Variants in MROH2A observed in about 807,000 individuals in gnomAD.
MROH2A encodes maestro heat like repeat family member 2A.
In MROH2A, 174 loss-of-function variants were observed where a neutral mutation model predicts 200.4. The ratio of observed to expected loss-of-function variants is 0.87; its 90% CI spans 0.77 to 0.98. The LOEUF is 0.98. MROH2A is among the 50% of genes least tolerant of loss of function. MROH2A has a pLI of 0.00. For synonymous variants in MROH2A, 829 were observed against 840.4 expected, an observed-to-expected ratio of 0.99 and a Z score of 0.23; for missense variants, 2,045 against 2,139.6, an observed-to-expected ratio of 0.96 and a Z score of 0.87.
rs182734868 is a variant in MROH2A at position 233,803,481 on chromosome 2, G to T, written c.1742G>T (p.Arg581Leu). The change falls in exon 16 of 42, where the codon CGT becomes CTT. Residue 581 changes from arginine (R) to leucine (L), a missense_variant. This residue lies in a region of MROH2A where 831 missense variants were observed against 800.0 expected (regional missense o/e 1.04). Transcript: ENST00000389758. ...CCTGCACCTCAGAAGCTGCTGGCCC[G>T]TCTCCTGGTGAGTGGCTGACCTGCA... is the stretch of plus-strand genomic sequence containing the variant. ...DLPAPQKLLA[R>L]LLVLMSSPYK... 9.5e-4 allele frequency: 1,480 copies of T among 1,550,432 alleles called. 4 individuals carry two copies. The highest frequency in any genetic ancestry group is 1.1e-3 in the Non-Finnish European group (1,303 of 1,146,976).
Position 233,829,607 on chromosome 2 carries a change from A to G in MROH2A, c.4447-13A>G. The G allele has an allele frequency of 7.2e-7, 1 of 1,393,904 alleles. No individual in the cohort carries two copies. Among genetic ancestry groups the G allele is most frequent in the Non-Finnish European group, 9.3e-7 (1 of 1,069,744 alleles). The allele number at this position is 1,393,904 out of a possible 1,614,324, so 86.3% of individuals were successfully genotyped here. On this transcript the variant is annotated splice_polypyrimidine_tract_variant and intron_variant, in intron 37 of 41. Coordinates refer to ENST00000389758, the MANE Select transcript of MROH2A (RefSeq NM_001394639.1). Reference sequence around the variant, plus strand: ...GCTGCCTGCATGTCAGCCTGTGTCCATCCTGGCCACAGGAGAGCGAGCTGC... The same window carrying G: ...GCTGCCTGCATGTCAGCCTGTGTCCGTCCTGGCCACAGGAGAGCGAGCTGC...
Position 233,820,096 on chromosome 2 carries a change from ATTTGAC to A in MROH2A, c.3512+41_3512+46del. 6.8e-7 allele frequency: 1 copy of A among 1,471,688 alleles called. No homozygotes were observed. The highest frequency in any genetic ancestry group is 9.1e-7 in the Non-Finnish European group (1 of 1,101,978). 91.2% of individuals were successfully genotyped at this position (1,471,688 alleles called of 1,614,324 possible). A position where few individuals can be genotyped will look rare whatever the true frequency, so the allele number is the denominator to read the frequency against. On this transcript the variant is annotated intron_variant, in intron 31 of 41. Transcript: ENST00000389758. The surrounding 1 kb of genome is among the most constrained non-coding windows in gnomAD (Gnocchi z 4.1). ...GGAGGTGGCCCCGGCCTCCTGTGCCATTTGACCATGCCCAACTCACCACCCCGATGT... is the reference window on the plus strand; with the variant it reads ...GGAGGTGGCCCCGGCCTCCTGTGCCACATGCCCAACTCACCACCCCGATGT...
rs750693638 is a variant in MROH2A at position 233,796,058 on chromosome 2, G to A, written c.1138+13G>A. ...TTCGTAGCCCTTGGTGAGGCTCTGC[G>A]GCAGGGTGCTCCCTGCCTGCCCCGA... On this transcript the variant is annotated intron_variant, in intron 10 of 41. Coordinates refer to ENST00000389758, the MANE Select transcript of MROH2A (RefSeq NM_001394639.1). 73 of 1,549,816 alleles carry A rather than the reference G, an allele frequency of 4.7e-5. No homozygotes were observed. The African/African-American group carries it at 8.3e-4, about 18-fold the overall frequency.
rs1270059097 is a variant in MROH2A, at chr2:233,822,151, G to T, written c.3540G>T (p.Val1180=). The T allele has an allele frequency of 8.4e-6, 13 of 1,549,978 alleles. No individual in the cohort carries two copies. Among genetic ancestry groups the T allele is most frequent in the Non-Finnish European group, 1.0e-5 (12 of 1,146,918 alleles). Residue 1180 remains valine (V), a synonymous_variant, in exon 32 of 42, where the codon GTG becomes GTT. Coordinates refer to ENST00000389758, the MANE Select transcript of MROH2A (RefSeq NM_001394639.1). ...ESHLAEVWLA[V]SENVPFARTM... ...ACCTGGCAGAGGTGTGGCTGGCAGTGTCGGAGAACGTGCCCTTCGCCCGGA... is the reference window on the plus strand; with the variant it reads ...ACCTGGCAGAGGTGTGGCTGGCAGTTTCGGAGAACGTGCCCTTCGCCCGGA...
chr2:233,799,427 G>A (rs1054346200), intron 12 of MROH2A, among the ~76,000 whole-genome samples: 7 of 152,150 alleles, frequency 4.6e-5, no homozygotes, highest in African/African-American at 1.7e-4. Context: ...GAAGAGGCTC[G>A]TTCTGCATCT....
chr2:233,830,622 A>T (rs887063), intron 38 of MROH2A, among the ~76,000 whole-genome samples: 7 of 64,468 alleles, frequency 1.1e-4, no homozygotes, highest in Non-Finnish European at 2.2e-4. Context: ...GGGATGGCCC[A>T]GGTGGCCCAG....
In MROH2A at chr2:233,819,954, C is replaced by T; in HGVS notation, c.3410C>T (p.Pro1137Leu). The part of the protein sequence containing the change: ...ILVHLPVVDH[P>L]EVRRLLIDGI... ...GTGCACCTGCCGGTGGTGGACCACC[C>T]AGAGGTGCGGCGCCTTCTCATTGAC... The change falls in exon 31 of 42, where the codon CCA becomes CTA. Residue 1137 changes from proline (P) to leucine (L), a missense_variant. This residue lies in a region of MROH2A where 1,201 missense variants were observed against 1,311.3 expected (regional missense o/e 0.92). Transcript: ENST00000389758. The T allele has an allele frequency of 6.5e-7, 1 of 1,545,322 alleles. No homozygotes were observed. Among genetic ancestry groups the T allele is most frequent in the Non-Finnish European group, 8.7e-7 (1 of 1,143,254 alleles).
At chr2:233,832,721 G>T (rs1282466300) in intron 41 of MROH2A, 77 bp downstream of exon 41, 3 of 1,034,136 alleles carry the variant, frequency 2.9e-6, no homozygotes, top group South Asian at 1.4e-5. Context: ...ACTGCTTCAA[G>T]GGAAGAGCCA....
intron 35 of MROH2A, among the ~76,000 whole-genome samples, chr2:233,827,674 G>A (rs535686633): frequency 1.2e-4 from 18 of 151,990 alleles, no homozygotes; most frequent in African/African-American, 2.4e-4. Context: ...TATGACACAC[G>A]TCTACCTATG....
chr2:233,779,748 C>T lies in MROH2A; in HGVS notation c.172C>T (p.Leu58Phe), dbSNP rs201714498. The change falls in exon 3 of 42, where the codon CTT (leucine) becomes TTT (phenylalanine). Residue 58 changes from leucine to phenylalanine, a missense_variant. By Grantham distance (22) the Leu-to-Phe change is conservative. Transcript: ENST00000389758. Reference protein sequence around the residue: ...SAKTDTTGAGLDMRKTLASVI... With the variant: ...SAKTDTTGAGFDMRKTLASVI... ...AAAGACGGACACAACAGGGGCAGGCCTTGACATGCGGAAGACCCTGGCCTC... is the reference window on the plus strand; with the variant it reads ...AAAGACGGACACAACAGGGGCAGGCTTTGACATGCGGAAGACCCTGGCCTC... 3.4e-5 allele frequency: 53 copies of T among 1,550,964 alleles called. No homozygotes were observed. Among genetic ancestry groups the T allele is most frequent in the Non-Finnish European group, 4.2e-5 (48 of 1,147,112 alleles).
rs1004516601 is a variant in MROH2A, at chr2:233,822,696, C to A, written c.3866+140C>A. The stretch of plus-strand genomic sequence containing the variant: ...ATCTGATCTTACTCAAAATGCCGTT[C>A]TCATGTGTGTCAAGCACGGTGTGGT... On this transcript the variant is annotated intron_variant, in intron 33 of 41. Coordinates refer to ENST00000389758, the MANE Select transcript of MROH2A (RefSeq NM_001394639.1). The A allele has an allele frequency of 2.4e-5, 27 of 1,136,964 alleles. 1 individual carries two copies. Among genetic ancestry groups the A allele is most frequent in the Non-Finnish European group, 3.2e-5 (26 of 802,542 alleles). 70.4% of individuals were successfully genotyped at this position (1,136,964 alleles called of 1,614,324 possible). A position where few individuals can be genotyped will look rare whatever the true frequency, so the allele number is the denominator to read the frequency against.
intron 13 of MROH2A, 30 bp downstream of exon 13, chr2:233,799,929 G>A (rs975381455): frequency 4.5e-5 from 69 of 1,550,098 alleles, no homozygotes; most frequent in Non-Finnish European, 6.0e-5. Flanking sequence ...AGACCGCAGA[G>A]CAGCTGGACT....
intron 37 of MROH2A, 107 bp from the exon 38 acceptor site, chr2:233,829,513 A>C (rs1186812688): frequency 1.8e-6 from 2 of 1,114,888 alleles, no homozygotes. Flanking sequence ...GGAATGATCC[A>C]GAAGGCTCTG....
At chr2:233,779,557 A>G in intron 2 of MROH2A, 105 bp downstream of exon 2, 1 of 1,393,162 alleles carries the variant, frequency 7.2e-7, no homozygotes, top group South Asian at 1.3e-5. Flanking sequence ...CACAGTGGAC[A>G]TCATACCACA....
At chr2:233,785,215 T>A (rs1484554935) in intron 3 of MROH2A, among the ~76,000 whole-genome samples, 1 of 151,830 alleles carries the variant, frequency 6.6e-6, no homozygotes, top group Non-Finnish European at 1.5e-5. Flanking sequence ...AGACACTTGC[T>A]CTTGAAAGGA....
intron 23 of MROH2A, 28 bp downstream of exon 23, chr2:233,810,944 C>T (rs1703111971): frequency 1.9e-6 from 3 of 1,547,904 alleles, no homozygotes; most frequent in Non-Finnish European, 2.6e-6. Flanking sequence ...CCTCCTTGGT[C>T]CTGTTCCTGG....
intron 3 of MROH2A, among the ~76,000 whole-genome samples, chr2:233,782,135 A>G (rs1189301210): frequency 6.6e-6 from 1 of 152,164 alleles, no homozygotes; most frequent in Non-Finnish European, 1.5e-5. Flanking sequence ...GCTTTAAAGT[A>G]TATTTTGAAA....
At chr2:233,779,563 C>G (rs1700833110) in intron 2 of MROH2A, 108 bp from the exon 3 acceptor site, 1 of 1,399,742 alleles carries the variant, frequency 7.1e-7, no homozygotes, top group African/African-American at 1.4e-5. Context: ...GGACATCATA[C>G]CACACATGAA....
At chr2:233,831,183 T>TG (rs1156242270) in intron 38 of MROH2A, among the ~76,000 whole-genome samples, 1 of 152,062 alleles carries the variant, frequency 6.6e-6, no homozygotes, top group Non-Finnish European at 1.5e-5. Flanking sequence ...AGGGGGCGGG[T>TG]GGGGCTGCAT....
Sources: allele counts gnomAD v4.1 joint callset (sites outside exome capture counted in the v4.1 genomes callset), GRCh38; gene constraint gnomAD v4.1.1; regional missense constraint gnomAD v4.1.1; non-coding constraint Gnocchi (gnomAD v3.1); transcripts MANE v1.5; gene names NCBI Gene and HGNC (gene_info 2026-07-23, HGNC 2026-07-21).